The following KIAA0319L variants were observed in gnomAD, a reference collection of about 807,000 sequenced individuals.
KIAA0319L encodes the protein KIAA0319 like.
KIAA0319L carries 55 observed loss-of-function variants against 120.1 expected under a neutral mutation model. That is an observed-to-expected ratio of 0.46 (90% CI 0.37 to 0.57). The LOEUF is 0.57. Among genes scored for constraint, KIAA0319L ranks in the 20% least tolerant of loss-of-function variants. The pLI is 0.00. For missense variants in KIAA0319L, 1,049 were observed against 1,255.3 expected, an observed-to-expected ratio of 0.84 and a Z score of 2.48; for synonymous variants, 398 against 471.9, an observed-to-expected ratio of 0.84 and a Z score of 2.03.
rs1161566946 is a variant in KIAA0319L, at chr1:35,495,887, T to C, written c.666+10725A>G. On this transcript the variant is annotated intron_variant, in intron 3 of 20. Coordinates refer to ENST00000325722, the MANE Select transcript of KIAA0319L (RefSeq NM_024874.5). ...ACAAAAAAAAAAAAAAAAACATGAA[T>C]GGCAAATAAGCACACAAAAAATATT... is the stretch of plus-strand genomic sequence containing the variant. Among the ~76,000 whole-genome samples the C allele has an allele frequency of 2.1e-5, 3 of 142,232 alleles. No homozygotes were observed. In the East Asian group the frequency reaches 6.4e-4, roughly 30 times the overall value. 93.3% of individuals were successfully genotyped at this position (142,232 alleles called of 152,430 possible).
At chr1:35,450,037 G>T in intron 14 of KIAA0319L, 32 bp from the exon 15 acceptor site, 1 of 1,612,176 alleles carries the variant, frequency 6.2e-7, no homozygotes, top group South Asian at 1.1e-5. Context: ...CTATGTTACA[G>T]AACAAAATGC....
chr1:35,526,431 GTATA>G (rs71571802), intron 2 of KIAA0319L, among the ~76,000 whole-genome samples: 1 of 125,572 alleles, frequency 8.0e-6, no homozygotes. Flanking sequence ...ATATATATAT[GTATA>G]TATATATATA....
At chr1:35,519,947 G>A (rs1645842398) in intron 2 of KIAA0319L, among the ~76,000 whole-genome samples, 1 of 151,958 alleles carries the variant, frequency 6.6e-6, no homozygotes, top group South Asian at 2.1e-4. Flanking sequence ...CTGAGAGCTG[G>A]GAAAAAAATG....
Position 35,466,687 on chromosome 1 carries a change from T to G in KIAA0319L, c.1122A>C (p.Pro374=), listed in dbSNP as rs956165290. Residue 374 remains proline, a synonymous_variant, in exon 7 of 21, where the codon CCA becomes CCC. Coordinates refer to ENST00000325722, the MANE Select transcript of KIAA0319L (RefSeq NM_024874.5). ...CAATCACTTTGAATTCATACAGGCC[T>G]GGAGTGAGCTGCAGAAGTGAGAGAA... ...SQILKLSKLT[P]GLYEFKVIVE... 1 of 1,608,508 alleles carries G rather than the reference T, an allele frequency of 6.2e-7. No individual in the cohort carries two copies. The highest frequency in any genetic ancestry group is 1.3e-5 in the African/African-American group (1 of 74,924).
At chr1:35,538,735 C>T (rs1010983631) in intron 2 of KIAA0319L, among the ~76,000 whole-genome samples, 4 of 151,774 alleles carry the variant, frequency 2.6e-5, no homozygotes, top group Non-Finnish European at 5.9e-5. Flanking sequence ...CACTGACATT[C>T]GGGTAATTTC....
At chr1:35,537,636 A>AAG (rs1646634659) in intron 2 of KIAA0319L, among the ~76,000 whole-genome samples, 1 of 150,716 alleles carries the variant, frequency 6.6e-6, no homozygotes, top group Admixed American at 6.6e-5. Context: ...AAAAAAAAAA[A>AAG]ACTGCAGTGG....
In KIAA0319L at chr1:35,453,575, T is replaced by G; in HGVS notation, c.1895A>C (p.Tyr632Ser). The G allele has an allele frequency of 1.2e-6, 2 of 1,614,128 alleles. No homozygotes were observed. The highest frequency in any genetic ancestry group is 1.7e-6 in the Non-Finnish European group (2 of 1,179,984). ...KSSDDQKIISYLWEKTQGPDG... is the reference protein window; with the variant it reads ...KSSDDQKIISSLWEKTQGPDG... ...TACTCACTGTGTTTTTTCCCAGAGATATGAGATAATTTTCTGATCATCTGA... is the reference window on the plus strand; with the variant it reads ...TACTCACTGTGTTTTTTCCCAGAGAGATGAGATAATTTTCTGATCATCTGA... Residue 632 changes from tyrosine to serine, a missense_variant, in exon 12 of 21, where the codon TAT becomes TCT. Physicochemically the swap from Tyr to Ser is moderately radical, Grantham distance 144 (BLOSUM62 -2). Coordinates refer to ENST00000325722, the MANE Select transcript of KIAA0319L (RefSeq NM_024874.5). This position sits in a 1 kb window ranked among gnomAD's most constrained non-coding sequence, Gnocchi z 4.1.
intron 2 of KIAA0319L, among the ~76,000 whole-genome samples, chr1:35,516,425 CAT>C (rs1404904454): frequency 6.6e-6 from 1 of 151,842 alleles, no homozygotes; most frequent in African/African-American, 2.4e-5. Flanking sequence ...TGATTCATCA[CAT>C]AAAAAGAACT....
In KIAA0319L at chr1:35,441,141, A is replaced by G; in HGVS notation, c.2871-3T>C. 1.2e-6 allele frequency: 2 copies of G among 1,613,154 alleles called. No homozygotes were observed. Among genetic ancestry groups the G allele is most frequent in the Non-Finnish European group, 1.7e-6 (2 of 1,179,122 alleles). On this transcript the variant is annotated splice_region_variant and splice_polypyrimidine_tract_variant and intron_variant, in intron 19 of 20. Transcript: ENST00000325722. ...TCCTCTTGGGTTTTCCTTTTTGCCT[A>G]AAAAACACAACCCCCACCCCTGCTC...
intron 20 of KIAA0319L, among the ~76,000 whole-genome samples, chr1:35,436,680 AC>A (rs1239495850): frequency 6.6e-6 from 1 of 152,192 alleles, no homozygotes; most frequent in Admixed American, 6.5e-5. Context: ...ACAAAAAACA[AC>A]AGCAACAAGA....
At chr1:35,462,517 A>T (rs902028159) in intron 8 of KIAA0319L, 104 bp downstream of exon 8, 1 of 940,296 alleles carries the variant, frequency 1.1e-6, no homozygotes, top group Non-Finnish European at 1.7e-6. Context: ...TGACTGGCCT[A>T]AACAGAACGC....
chr1:35,469,772 A>C (rs1027883729), intron 6 of KIAA0319L, among the ~76,000 whole-genome samples: 7 of 151,952 alleles, frequency 4.6e-5, no homozygotes, highest in African/African-American at 1.5e-4. Flanking sequence ...TTAAAATTAT[A>C]ACTAATTCTC....
At chr1:35,482,565 G>T (rs1254359086) in intron 3 of KIAA0319L, among the ~76,000 whole-genome samples, 3 of 151,926 alleles carry the variant, frequency 2.0e-5, no homozygotes, top group African/African-American at 7.3e-5. Flanking sequence ...GAGTAGCTGG[G>T]ATTACAGGCA....
chr1:35,439,864 G>T (rs1271665457), intron 20 of KIAA0319L: 2 of 152,166 alleles, frequency 1.3e-5, no homozygotes, highest in East Asian at 3.8e-4. Context: ...AGGGAGATCA[G>T]CAAAGAGAAA....
chr1:35,552,990 G>A (rs546777519), intron 2 of KIAA0319L, among the ~76,000 whole-genome samples: 4 of 152,182 alleles, frequency 2.6e-5, no homozygotes, highest in Admixed American at 6.5e-5. Flanking sequence ...AGGAGGCTGC[G>A]GCAGGACAAT....
rs903882064 is a variant in KIAA0319L at position 35,455,737 on chromosome 1, C to T, written c.1656+276G>A. Among the ~76,000 whole-genome samples the T allele has an allele frequency of 3.3e-5, 5 of 151,798 alleles. No individual in the cohort carries two copies. In the South Asian group the frequency reaches 6.2e-4, roughly 19 times the overall value. On this transcript the variant is annotated intron_variant, in intron 10 of 20. Coordinates refer to ENST00000325722, the MANE Select transcript of KIAA0319L (RefSeq NM_024874.5). ...CTGGGATTACAGGCGCACGCCACTA[C>T]GCCCGGCTAATTTTTTTATCTTTAG...
At chr1:35,551,061 C>T (rs1030102277) in intron 2 of KIAA0319L, among the ~76,000 whole-genome samples, 18 of 152,066 alleles carry the variant, frequency 1.2e-4, no homozygotes, top group African/African-American at 4.8e-5. Flanking sequence ...AGAATTAAGT[C>T]GAAAAATATG....
chr1:35,464,544 C>T (rs990146035), intron 7 of KIAA0319L, among the ~76,000 whole-genome samples: 1 of 152,162 alleles, frequency 6.6e-6, no homozygotes, highest in African/African-American at 2.4e-5. Flanking sequence ...GGAAGTAGAA[C>T]ATAAAAGTTC....
At chr1:35,463,048 G>T (rs1643008352) in intron 7 of KIAA0319L, among the ~76,000 whole-genome samples, 1 of 152,188 alleles carries the variant, frequency 6.6e-6, no homozygotes, top group Non-Finnish European at 1.5e-5. Flanking sequence ...TGATCTGACA[G>T]GAGGCAGAGC....
Sources: gnomAD v4.1 joint callset for allele counts (sites outside exome capture counted in the v4.1 genomes callset) on GRCh38, gnomAD v4.1.1 for gene constraint, Gnocchi (gnomAD v3.1) non-coding constraint, MANE v1.5 for transcripts, NCBI Gene and HGNC (gene_info 2026-07-23, HGNC 2026-07-21) for gene names.